The following BCKDHB variants were observed in gnomAD, a reference collection of about 807,000 sequenced individuals.
The protein encoded by BCKDHB is 2-oxoisovalerate dehydrogenase subunit beta, mitochondrial.
BCKDHB carries 41 observed loss-of-function variants against 48.5 expected under a neutral mutation model. That is an observed-to-expected ratio of 0.85 (90% CI 0.66 to 1.10). The LOEUF is 1.10. Ranked by LOEUF, BCKDHB falls within the 50% of genes least tolerant of loss-of-function variation. The probability of loss-of-function intolerance (pLI) is 0.00; values close to 1 mark genes in which losing one functional copy is unlikely to be tolerated. For missense variants in BCKDHB, 496 were observed against 494.2 expected (o/e 1.00, Z -0.03); for synonymous variants, 201 against 174.8 (o/e 1.15, Z -1.18).
chr6:80,369,011 T>TC, the BCKDHB span, among the ~76,000 whole-genome samples: 1 of 19,188 alleles, frequency 5.2e-5, no homozygotes, highest in African/African-American at 8.0e-5. Context: ...AGACTCCATC[T>TC]CAAAAAAAAA....
At chr6:80,371,207 T>C in the BCKDHB span, among the ~76,000 whole-genome samples, 7 of 152,302 alleles carry the variant, frequency 4.6e-5, no homozygotes, top group African/African-American at 1.7e-4. Flanking sequence ...TGGTATCACA[T>C]TGTCATTTTG....
At chr6:80,417,536 G>T in the BCKDHB span, among the ~76,000 whole-genome samples, 1 of 152,188 alleles carries the variant, frequency 6.6e-6, no homozygotes, top group East Asian at 1.9e-4. Context: ...AAGTCTGGGG[G>T]TAACGAATTT....
the BCKDHB span, among the ~76,000 whole-genome samples, chr6:80,433,937 C>A: frequency 6.6e-6 from 1 of 152,114 alleles, no homozygotes; most frequent in South Asian, 2.1e-4. Context: ...TATTTTGTGT[C>A]TTTCTCTTAA....
chr6:80,456,168 T>C, the BCKDHB span, among the ~76,000 whole-genome samples: 5 of 151,500 alleles, frequency 3.3e-5, no homozygotes, highest in East Asian at 3.9e-4. Context: ...TGAGCCGAGA[T>C]TGCACCACTG....
the BCKDHB span, among the ~76,000 whole-genome samples, chr6:80,368,630 T>G: frequency 6.6e-6 from 1 of 152,196 alleles, no homozygotes. Flanking sequence ...CATCTACATA[T>G]GCTCACAACT....
chr6:80,452,384 C>T, the BCKDHB span, among the ~76,000 whole-genome samples: 1 of 152,156 alleles, frequency 6.6e-6, no homozygotes, highest in East Asian at 1.9e-4. Context: ...TATCTGGTAA[C>T]CTTCATAACA....
the BCKDHB span, among the ~76,000 whole-genome samples, chr6:80,461,293 G>C: frequency 1.3e-5 from 2 of 152,042 alleles, no homozygotes; most frequent in African/African-American, 4.8e-5. Flanking sequence ...AACCATTCTT[G>C]AGTCCACCTT....
the BCKDHB span, among the ~76,000 whole-genome samples, chr6:80,408,181 G>T: frequency 6.6e-6 from 1 of 152,112 alleles, no homozygotes; most frequent in Non-Finnish European, 1.5e-5. Context: ...TGTTGAACCA[G>T]GCTTGCATCC....
chr6:80,161,737 G>T (rs886254166), intron 3 of BCKDHB, among the ~76,000 whole-genome samples: 3 of 152,096 alleles, frequency 2.0e-5, no homozygotes, highest in Non-Finnish European at 4.4e-5. Context: ...TCCTACATCA[G>T]CTTTTCATTC....
the BCKDHB span, among the ~76,000 whole-genome samples, chr6:80,406,046 A>G: frequency 2.0e-5 from 3 of 152,128 alleles, no homozygotes; most frequent in Admixed American, 6.6e-5. Context: ...TCATTGTTCA[A>G]TTCCCACCTA....
At chr6:80,180,976 G>A (rs1773383991) in intron 6 of BCKDHB, among the ~76,000 whole-genome samples, 1 of 152,088 alleles carries the variant, frequency 6.6e-6, no homozygotes, top group South Asian at 2.1e-4. Context: ...TCAAATGATA[G>A]CTTCTAATAA....
intron 8 of BCKDHB, among the ~76,000 whole-genome samples, chr6:80,263,979 ATTG>A (rs946944493): frequency 2.0e-5 from 3 of 152,194 alleles, no homozygotes; most frequent in African/African-American, 7.2e-5. Flanking sequence ...GATATTAGTA[ATTG>A]TTGTTTTAAG....
chr6:80,431,905 C>T, the BCKDHB span, among the ~76,000 whole-genome samples: 2 of 152,240 alleles, frequency 1.3e-5, no homozygotes, highest in Non-Finnish European at 2.9e-5. Context: ...CAAAATCTCT[C>T]AGCATTTGCT....
intron 6 of BCKDHB, among the ~76,000 whole-genome samples, chr6:80,193,543 AC>A (rs1374716714): frequency 6.6e-6 from 1 of 151,962 alleles, no homozygotes; most frequent in Admixed American, 6.6e-5. Context: ...ACATGGCAAA[AC>A]CCTGTATCTA....
intron 3 of BCKDHB, among the ~76,000 whole-genome samples, chr6:80,160,274 A>G (rs1772248727): frequency 6.6e-6 from 1 of 151,920 alleles, no homozygotes; most frequent in South Asian, 2.1e-4. Context: ...CTCCTGCCTC[A>G]GCCTCCCAAG....
At position 80,130,252 on chromosome 6, in the gene BCKDHB, G is replaced by A. The variant is rs143324793; in HGVS notation, c.343+1023G>A. 1.8e-3 allele frequency among the ~76,000 whole-genome samples: 267 copies of A among 152,312 alleles called. 1 individual carries two copies. The highest frequency in any genetic ancestry group is 6.0e-3 in the African/African-American group (251 of 41,582). On this transcript the variant is annotated intron_variant, in intron 3 of 9. Transcript: ENST00000320393. ...TTTAGAATTCAGCAAAGCAGTTCACGTGAGGGCTGGCAGGAGCTGATATCT... is the reference window on the plus strand; with the variant it reads ...TTTAGAATTCAGCAAAGCAGTTCACATGAGGGCTGGCAGGAGCTGATATCT...
At chr6:80,196,327 ACT>A (rs1024436467) in intron 6 of BCKDHB, among the ~76,000 whole-genome samples, 4 of 151,922 alleles carry the variant, frequency 2.6e-5, no homozygotes, top group African/African-American at 4.8e-5. Context: ...TATGGAATAT[ACT>A]CTCTATTTTT....
the BCKDHB span, among the ~76,000 whole-genome samples, chr6:80,415,111 CT>C: frequency 3.9e-5 from 6 of 151,908 alleles, no homozygotes. Flanking sequence ...TTGCACATTG[CT>C]TTTTTATCCT....
intron 6 of BCKDHB, among the ~76,000 whole-genome samples, chr6:80,177,464 A>G (rs1773219034): frequency 6.6e-6 from 1 of 152,170 alleles, no homozygotes; most frequent in South Asian, 2.1e-4. Flanking sequence ...TATAATCTAG[A>G]GAGATAAAGA....
Sources: allele counts gnomAD v4.1 joint callset (sites outside exome capture counted in the v4.1 genomes callset), GRCh38; gene constraint gnomAD v4.1.1; transcripts MANE v1.5; gene names NCBI Gene and HGNC (gene_info 2026-07-23, HGNC 2026-07-21).